Variants in TSHZ2 observed in about 807,000 individuals in gnomAD.
TSHZ2 encodes the protein teashirt homolog 2.
Under a neutral mutation model 74.4 loss-of-function variants are expected in TSHZ2, and 21 were observed. The observed-to-expected ratio is 0.28, with a 90% CI of 0.20 to 0.41. TSHZ2 has a LOEUF of 0.41. TSHZ2 is among the 10% of genes least tolerant of loss of function. The pLI, the probability that TSHZ2 is intolerant of heterozygous loss-of-function variation, is 1.00. For missense variants in TSHZ2, 1,244 were observed against 1,293.5 expected, an observed-to-expected ratio of 0.96 and a Z score of 0.59; for synonymous variants, 540 against 515.3, an observed-to-expected ratio of 1.05 and a Z score of -0.65.
At chr20:53,031,145 T>C (rs900765165) in intron 1 of TSHZ2, among the ~76,000 whole-genome samples, 3 of 152,224 alleles carry the variant, frequency 2.0e-5, no homozygotes, top group African/African-American at 7.2e-5. Flanking sequence ...TGTTTAATGC[T>C]TTTGCTACTT....
At chr20:53,426,821 C>T (rs1983673342) in intron 2 of TSHZ2, among the ~76,000 whole-genome samples, 1 of 152,150 alleles carries the variant, frequency 6.6e-6, no homozygotes, top group African/African-American at 2.4e-5. Flanking sequence ...TTTCTCTTCT[C>T]TTTGTGGCCC....
intron 1 of TSHZ2, among the ~76,000 whole-genome samples, chr20:53,229,245 C>A (rs1442939291): frequency 2.0e-5 from 3 of 152,112 alleles, no homozygotes; most frequent in Non-Finnish European, 2.9e-5. Context: ...AATAGCCCCA[C>A]CCCCTAGAGG....
intron 2 of TSHZ2, among the ~76,000 whole-genome samples, chr20:53,477,889 C>T (rs1986031754): frequency 6.6e-6 from 1 of 151,362 alleles, no homozygotes; most frequent in South Asian, 2.1e-4. Context: ...GACATTTATG[C>T]AGCCAACAGA....
At chr20:53,022,508 A>T (rs1983282696) in intron 1 of TSHZ2, among the ~76,000 whole-genome samples, 1 of 152,226 alleles carries the variant, frequency 6.6e-6, no homozygotes, top group African/African-American at 2.4e-5. Context: ...AAGTGCTTGT[A>T]CATGCAGAAT....
chr20:53,144,392 G>A (rs1987486529), intron 1 of TSHZ2, among the ~76,000 whole-genome samples: 1 of 152,194 alleles, frequency 6.6e-6, no homozygotes, highest in African/African-American at 2.4e-5. Context: ...GCCCAGGAAT[G>A]AACAATGACA....
chr20:53,223,788 G>A (rs563152610), intron 1 of TSHZ2, among the ~76,000 whole-genome samples: 1 of 152,140 alleles, frequency 6.6e-6, no homozygotes, highest in East Asian at 1.9e-4. Flanking sequence ...AGGTAGCTGT[G>A]GCCATAAAGA....
intron 2 of TSHZ2, among the ~76,000 whole-genome samples, chr20:53,293,700 C>CA (rs11476117): frequency 0.17 from 20,234 of 120,086 alleles, 1,970 homozygotes; most frequent in African/African-American, 0.31. Context: ...AACTGGCTCT[C>CA]AAAAAAAAAA....
intron 2 of TSHZ2, among the ~76,000 whole-genome samples, chr20:53,386,871 C>G (rs976904414): frequency 2.4e-5 from 3 of 124,154 alleles, no homozygotes; most frequent in African/African-American, 7.6e-5. Flanking sequence ...TTAACTCTGC[C>G]TCACCTAGCC....
At chr20:53,194,006 T>C (rs1988801945) in intron 1 of TSHZ2, among the ~76,000 whole-genome samples, 1 of 152,204 alleles carries the variant, frequency 6.6e-6, no homozygotes, top group African/African-American at 2.4e-5. Flanking sequence ...CCTATGTGTG[T>C]CTTTTGACCA....
chr20:53,127,618 T>G (rs1293423), intron 1 of TSHZ2, among the ~76,000 whole-genome samples: 77,770 of 152,054 alleles, frequency 0.51, 20,935 homozygotes, highest in African/African-American at 0.68. Context: ...TTGATGACAA[T>G]GAACCAACCA....
chr20:53,411,498 C>G (rs1983052932), intron 2 of TSHZ2, among the ~76,000 whole-genome samples: 1 of 152,008 alleles, frequency 6.6e-6, no homozygotes, highest in Non-Finnish European at 1.5e-5. Flanking sequence ...AACATAAGCT[C>G]TCTGAACCTG....
At chr20:53,357,714 T>C (rs1366902891) in intron 2 of TSHZ2, among the ~76,000 whole-genome samples, 1 of 152,182 alleles carries the variant, frequency 6.6e-6, no homozygotes, top group Non-Finnish European at 1.5e-5. Context: ...CGTGAAATGA[T>C]TAATTGTTCT....
intron 2 of TSHZ2, among the ~76,000 whole-genome samples, chr20:53,352,278 C>A (rs1980677644): frequency 9.0e-6 from 1 of 111,682 alleles, no homozygotes; most frequent in East Asian, 3.0e-4. Flanking sequence ...TACTGCATAT[C>A]TGACCAACAC....
At chr20:53,455,046 G>C (rs572060475) in intron 2 of TSHZ2, among the ~76,000 whole-genome samples, 234 of 151,938 alleles carry the variant, frequency 1.5e-3, no homozygotes, top group African/African-American at 5.1e-3. Context: ...TTTCTTGTCA[G>C]TTGGAGAGAT....
intron 1 of TSHZ2, among the ~76,000 whole-genome samples, chr20:53,087,322 T>G (rs1476048430): frequency 6.6e-6 from 1 of 152,232 alleles, no homozygotes; most frequent in Non-Finnish European, 1.5e-5. Flanking sequence ...TGTAGAGCTT[T>G]CTAAACACAG....
In TSHZ2 at chr20:53,074,967, G is replaced by A. The variant is rs1358646030; in HGVS notation, c.40+101634G>A. Among the ~76,000 whole-genome samples the A allele has an allele frequency of 6.6e-6, 1 of 152,166 alleles. No individual in the cohort carries two copies. Among genetic ancestry groups the A allele is most frequent in the Non-Finnish European group, 1.5e-5 (1 of 68,010 alleles). Reference sequence around the variant, plus strand: ...TCCCACTCAACCACAGATGTTTTATGTCCTCTTTTGTCGCTGACGTTTCCT... The same window carrying A: ...TCCCACTCAACCACAGATGTTTTATATCCTCTTTTGTCGCTGACGTTTCCT... On this transcript the variant is annotated intron_variant, in intron 1 of 2. Coordinates refer to ENST00000371497, the MANE Select transcript of TSHZ2 (RefSeq NM_173485.6). The surrounding 1 kb of genome is among the most constrained non-coding windows in gnomAD (Gnocchi z 5.9).
intron 2 of TSHZ2, among the ~76,000 whole-genome samples, chr20:53,467,596 G>A (rs1985599906): frequency 6.6e-6 from 1 of 152,212 alleles, no homozygotes; most frequent in Non-Finnish European, 1.5e-5. Flanking sequence ...TGCGGAAACT[G>A]AGATTAAGAA....
At chr20:53,257,911 A>T (rs867317259) in intron 2 of TSHZ2, among the ~76,000 whole-genome samples, 17 of 152,252 alleles carry the variant, frequency 1.1e-4, no homozygotes, top group African/African-American at 4.1e-4. Flanking sequence ...ACAAGCTAGA[A>T]AGGTAGGACA....
chr20:53,310,621 A>T (rs1048055277), intron 2 of TSHZ2, among the ~76,000 whole-genome samples: 2 of 152,026 alleles, frequency 1.3e-5, no homozygotes, highest in African/African-American at 4.8e-5. Context: ...GGTAAAATTC[A>T]TTTCCTTTCA....
Sources: allele counts gnomAD v4.1 joint callset (sites outside exome capture counted in the v4.1 genomes callset), GRCh38; gene constraint gnomAD v4.1.1; non-coding constraint Gnocchi (gnomAD v3.1); transcripts MANE v1.5; gene names NCBI Gene and HGNC (gene_info 2026-07-23, HGNC 2026-07-21).